ATP2B1: variants seen among roughly 807,000 people sequenced by gnomAD.
ATP2B1 encodes ATPase plasma membrane Ca2+ transporting 1, also known as plasma membrane calcium-transporting ATPase 1.
ATP2B1 carries 14 observed loss-of-function variants against 124.2 expected under a neutral mutation model. The ratio of observed to expected loss-of-function variants is 0.11; its 90% CI spans 0.07 to 0.18. The LOEUF (loss-of-function observed/expected upper bound fraction) is 0.18, where lower values mean the gene tolerates loss of function less well. ATP2B1 is among the 10% of genes least tolerant of loss of function. The pLI is 1.00. For missense variants in ATP2B1, 763 were observed against 1,466.1 expected (o/e 0.52, Z 7.83); for synonymous variants, 449 against 492.4 (o/e 0.91, Z 1.17).
intron 1 of ATP2B1, among the ~76,000 whole-genome samples, chr12:89,695,662 C>T (rs1172934080): frequency 6.6e-6 from 1 of 151,980 alleles, no homozygotes. Context: ...AAGATAGATA[C>T]ATTAATCTAT....
chr12:89,625,584 C>CAAAAAAAAAAA (rs10560749), intron 8 of ATP2B1, among the ~76,000 whole-genome samples: 1 of 81,606 alleles, frequency 1.2e-5, no homozygotes, highest in African/African-American at 4.8e-5. Flanking sequence ...GACCCTGTCT[C>CAAAAAAAAAAA]AAAAAAAAAA....
At chr12:89,689,641 T>G (rs144335728) in intron 1 of ATP2B1, among the ~76,000 whole-genome samples, 1 of 152,258 alleles carries the variant, frequency 6.6e-6, no homozygotes, top group East Asian at 1.9e-4. Context: ...CTGGCCCATA[T>G]TTAATACGGC....
chr12:89,681,523 G>A lies in ATP2B1; in HGVS notation c.-221-25416C>T, dbSNP rs766957432. On this transcript the variant is annotated intron_variant, in intron 1 of 20. Transcript: ENST00000428670. ...AGCCTCCTGAGTGGCTGGGATTACA[G>A]ACGTGTACCACCACGCCCAGCTAAT... Among the ~76,000 whole-genome samples the A allele has an allele frequency of 7.9e-5, 12 of 151,972 alleles. No individual in the cohort carries two copies. In the South Asian group the frequency reaches 1.7e-3, roughly 21 times the overall value.
intron 1 of ATP2B1, among the ~76,000 whole-genome samples, chr12:89,707,114 G>A (rs146103942): frequency 6.6e-6 from 1 of 152,218 alleles, no homozygotes; most frequent in South Asian, 2.1e-4. Context: ...AAACGCACAA[G>A]TACAAAAAGC....
At chr12:89,638,960 G>C (rs934225145) in intron 3 of ATP2B1, among the ~76,000 whole-genome samples, 2 of 152,138 alleles carry the variant, frequency 1.3e-5, no homozygotes, top group African/African-American at 4.8e-5. Flanking sequence ...TACTTGAAGA[G>C]TTTAAAGAGG....
chr12:89,706,523 A>C (rs1279605789), intron 1 of ATP2B1, among the ~76,000 whole-genome samples: 1 of 152,178 alleles, frequency 6.6e-6, no homozygotes, highest in Non-Finnish European at 1.5e-5. Context: ...TATTATTATA[A>C]ACACAAATCA....
rs771216639 is a variant in ATP2B1 at position 89,642,167 on chromosome 12, C to T, written c.397G>A (p.Asp133Asn). The change falls in exon 3 of 21, where the codon GAT becomes AAT. Residue 133 changes from aspartate (D) to asparagine (N), a missense_variant. This residue lies in a region of ATP2B1 where 392 missense variants were observed against 776.6 expected (regional missense o/e 0.50). Coordinates refer to ENST00000428670, the MANE Select transcript of ATP2B1 (RefSeq NM_001366521.1). ...GLSFYQPPEG[D>N]NALCGEVSVG... Reference sequence around the variant, plus strand: ...CCCCCCATTTACTTACGTGCATTATCCCCTTCTGGAGGCTGATAAAAAGAA... The same window carrying T: ...CCCCCCATTTACTTACGTGCATTATTCCCTTCTGGAGGCTGATAAAAAGAA... 5.6e-6 allele frequency: 9 copies of T among 1,611,964 alleles called. No individual in the cohort carries two copies. In the South Asian group the frequency reaches 9.9e-5, roughly 18 times the overall value.
At chr12:89,671,704 C>T (rs1292628885) in intron 1 of ATP2B1, among the ~76,000 whole-genome samples, 2 of 151,922 alleles carry the variant, frequency 1.3e-5, no homozygotes, top group Non-Finnish European at 2.9e-5. Flanking sequence ...AACGTGGTTT[C>T]CCATGTGGTA....
intron 18 of ATP2B1, among the ~76,000 whole-genome samples, chr12:89,602,011 G>A (rs572286500): frequency 6.6e-6 from 1 of 152,302 alleles, no homozygotes; most frequent in East Asian, 1.9e-4. Context: ...ACTCAGGTGA[G>A]GTGATCTCAG....
At chr12:89,601,175 G>A (rs1875763438) in intron 19 of ATP2B1, 151 bp downstream of exon 19, 5 of 561,360 alleles carry the variant, frequency 8.9e-6, no homozygotes, top group South Asian at 7.7e-5. Context: ...GAACTAATAC[G>A]ACATTAAAAA....
chr12:89,666,832 T>A (rs1317657573), intron 1 of ATP2B1, among the ~76,000 whole-genome samples: 1 of 152,152 alleles, frequency 6.6e-6, no homozygotes, highest in African/African-American at 2.4e-5. Context: ...TCCTCAAGTC[T>A]GCTCCAAGAC....
In ATP2B1 at chr12:89,607,835, C is replaced by T. The variant is rs146724691; in HGVS notation, c.2442+2102G>A. Among the ~76,000 whole-genome samples, 9 of 152,146 alleles carry T rather than the reference C, an allele frequency of 5.9e-5. No homozygotes were observed. In the East Asian group the frequency reaches 1.7e-3, roughly 29 times the overall value. ...AGATGCAACCATCCATATTTTTTGT[C>T]CCGAATATTTGCGATCCACAGTTGG... On this transcript the variant is annotated intron_variant, in intron 15 of 20. Transcript: ENST00000428670.
chr12:89,662,041 G>A (rs1004161599), intron 1 of ATP2B1, among the ~76,000 whole-genome samples: 7 of 151,894 alleles, frequency 4.6e-5, no homozygotes, highest in African/African-American at 1.5e-4. Context: ...CTAAATTTAT[G>A]GCCCATTACA....
In ATP2B1 at chr12:89,626,521, C is replaced by A. The variant is rs775597893; in HGVS notation, c.1062G>T (p.Leu354Phe). The change falls in exon 8 of 21, where the codon TTG (leucine) becomes TTT (phenylalanine). Residue 354 changes from leucine (L) to phenylalanine (F), a missense_variant. Leu to Phe is a conservative substitution (Grantham distance 22, BLOSUM62 0). Around this residue, in one of 7 missense-constraint regions of ATP2B1, gnomAD observed 392 missense variants for 776.6 expected, o/e 0.50. Transcript: ENST00000428670. ...GTAAAACAGATTTTTCCTTTTTTGG[C>A]AAATTTGCTTTCTTTTTATCTTTTT... is the stretch of plus-strand genomic sequence containing the variant. ...GDEKDKKKANLPKKEKSVLQG... is the reference protein window; with the variant it reads ...GDEKDKKKANFPKKEKSVLQG... The A allele has an allele frequency of 1.2e-6, 2 of 1,613,336 alleles. No individual in the cohort carries two copies. The highest frequency in any genetic ancestry group is 1.7e-5 in the Admixed American group (1 of 59,876).
In ATP2B1 at chr12:89,603,084, C is replaced by T. The variant is rs1475648484; in HGVS notation, c.3019G>A (p.Ala1007Thr). Residue 1007 changes from alanine to threonine, a missense_variant, in exon 18 of 21, where the codon GCC becomes ACC. By Grantham distance (58) the Ala-to-Thr change is moderately conservative (BLOSUM62 0). Around this residue, in one of 7 missense-constraint regions of ATP2B1, gnomAD observed 118 missense variants for 240.3 expected, o/e 0.49. Coordinates refer to ENST00000428670, the MANE Select transcript of ATP2B1 (RefSeq NM_001366521.1). This position sits in a 1 kb window ranked among gnomAD's most constrained non-coding sequence, Gnocchi z 4.3. ...RNVFEGIFNN[A>T]IFCTIVLGTF... ...CCTAAAACAATTGTGCAGAAGATGG[C>T]ATTGTTAAAGATTCCTTCGAATACA... The T allele has an allele frequency of 6.2e-7, 1 of 1,613,890 alleles. No homozygotes were observed. Among genetic ancestry groups the T allele is most frequent in the Non-Finnish European group, 8.5e-7 (1 of 1,179,888 alleles).
chr12:89,700,726 T>A (rs1393651476), intron 1 of ATP2B1, among the ~76,000 whole-genome samples: 1 of 152,200 alleles, frequency 6.6e-6, no homozygotes, highest in Admixed American at 6.5e-5. Flanking sequence ...TGCTACTCTT[T>A]GACCAACAAT....
At chr12:89,701,241 T>A (rs1891818667) in intron 1 of ATP2B1, among the ~76,000 whole-genome samples, 1 of 152,326 alleles carries the variant, frequency 6.6e-6, no homozygotes, top group East Asian at 1.9e-4. Context: ...TGTCTAAATG[T>A]GCCCATTCTT....
chr12:89,672,185 T>C (rs558005840), intron 1 of ATP2B1, among the ~76,000 whole-genome samples: 5 of 152,358 alleles, frequency 3.3e-5, no homozygotes, highest in South Asian at 2.1e-4. Flanking sequence ...GCTGGTGCAG[T>C]GGCTCACGCC....
chr12:89,653,527 GAC>G (rs1435726527), intron 2 of ATP2B1, among the ~76,000 whole-genome samples: 1 of 151,692 alleles, frequency 6.6e-6, no homozygotes, highest in African/African-American at 2.4e-5. Flanking sequence ...TCGATCTCCT[GAC>G]CTCATGATCC....
Sources: gnomAD v4.1 joint callset for allele counts (sites outside exome capture counted in the v4.1 genomes callset) on GRCh38, gnomAD v4.1.1 for gene constraint, gnomAD v4.1.1 regional missense constraint, Gnocchi (gnomAD v3.1) non-coding constraint, MANE v1.5 for transcripts, NCBI Gene and HGNC (gene_info 2026-07-23, HGNC 2026-07-21) for gene names.